ASTN2: variants seen among roughly 807,000 people sequenced by gnomAD.
ASTN2 encodes astrotactin 2.
In ASTN2, 54 loss-of-function variants were observed where a neutral mutation model predicts 139.8. The ratio of observed to expected loss-of-function variants is 0.39; its 90% confidence interval spans 0.31 to 0.48. The LOEUF (loss-of-function observed/expected upper bound fraction) is 0.48. Ranked by LOEUF, ASTN2 falls within the 20% of genes least tolerant of loss-of-function variation. The pLI, the probability that ASTN2 is intolerant of heterozygous loss-of-function variation, is 0.95. For synonymous variants in ASTN2, 756 were observed against 719.5 expected, an observed-to-expected ratio of 1.05 and a Z score of -0.81; for missense variants, 1,565 against 1,725.1, an observed-to-expected ratio of 0.91 and a Z score of 1.64.
chr9:116,463,444 G>A (rs1174744233), intron 20 of ASTN2, among the ~76,000 whole-genome samples: 3 of 152,126 alleles, frequency 2.0e-5, no homozygotes, highest in Non-Finnish European at 2.9e-5. Context: ...CAACTTCTCA[G>A]CCTTCATTAT....
chr9:117,390,407 G>T (rs1003224078), intron 1 of ASTN2, among the ~76,000 whole-genome samples: 1 of 152,064 alleles, frequency 6.6e-6, no homozygotes, highest in Non-Finnish European at 1.5e-5. Context: ...ACATTCTATG[G>T]GTTTGACAAA....
chr9:117,218,795 AG>A (rs1340030455), intron 2 of ASTN2, among the ~76,000 whole-genome samples: 2 of 152,204 alleles, frequency 1.3e-5, no homozygotes, highest in East Asian at 3.9e-4. Context: ...CAGAAACACA[AG>A]GTTGAAATCT....
intron 3 of ASTN2, among the ~76,000 whole-genome samples, chr9:117,149,108 C>T (rs2132875360): frequency 6.6e-6 from 1 of 152,258 alleles, no homozygotes; most frequent in African/African-American, 2.4e-5. Flanking sequence ...CAACCACTGC[C>T]TCCCAGGTTC....
intron 10 of ASTN2, among the ~76,000 whole-genome samples, chr9:116,972,041 CAG>C (rs1263194272): frequency 1.5e-4 from 23 of 152,150 alleles, no homozygotes; most frequent in Non-Finnish European, 2.6e-4. Context: ...TGAATTTTCA[CAG>C]AGTTAAAACA....
At chr9:116,917,690 A>G (rs1043615113) in intron 10 of ASTN2, among the ~76,000 whole-genome samples, 1 of 152,236 alleles carries the variant, frequency 6.6e-6, no homozygotes, top group Non-Finnish European at 1.5e-5. Flanking sequence ...GCAGAGGAGA[A>G]AAAGTTGGAA....
chr9:117,280,041 C>T (rs920038710), intron 2 of ASTN2, among the ~76,000 whole-genome samples: 1 of 152,100 alleles, frequency 6.6e-6, no homozygotes, highest in Non-Finnish European at 1.5e-5. Context: ...CCCTAGTTTC[C>T]TCCAATTTGT....
chr9:117,160,278 G>A (rs1830518439), intron 3 of ASTN2, among the ~76,000 whole-genome samples: 1 of 151,998 alleles, frequency 6.6e-6, no homozygotes, highest in Non-Finnish European at 1.5e-5. Context: ...TTCCTAGGGG[G>A]CAGGGGTCCA....
intron 2 of ASTN2, among the ~76,000 whole-genome samples, chr9:117,216,156 C>A (rs548885873): frequency 6.6e-6 from 1 of 152,164 alleles, no homozygotes; most frequent in African/African-American, 2.4e-5. Flanking sequence ...ATCTTAGGGG[C>A]AAAGGTGGCT....
chr9:117,153,444 G>A (rs947560495), intron 3 of ASTN2, among the ~76,000 whole-genome samples: 2 of 152,064 alleles, frequency 1.3e-5, no homozygotes, highest in South Asian at 4.1e-4. Flanking sequence ...TTCTATAGTT[G>A]TTTGTTACGT....
At chr9:117,120,018 G>GTGTGTGTGTGTGTGTGTGTATATA (rs1306397698) in intron 4 of ASTN2, among the ~76,000 whole-genome samples, 4 of 45,998 alleles carry the variant, frequency 8.7e-5, no homozygotes, top group African/African-American at 3.3e-4. Flanking sequence ...GTGTGTGTGT[G>GTGTGTGTGTGTGTGTGTGTATATA]TATATATATA....
At chr9:116,731,491 C>T (rs1305019434) in intron 14 of ASTN2, among the ~76,000 whole-genome samples, 7 of 152,086 alleles carry the variant, frequency 4.6e-5, no homozygotes, top group African/African-American at 1.7e-4. Flanking sequence ...GGCAAGATCT[C>T]GGCTCACTGC....
intron 16 of ASTN2, among the ~76,000 whole-genome samples, chr9:116,708,413 C>CCAT (rs1828051183): frequency 6.6e-6 from 1 of 152,194 alleles, no homozygotes; most frequent in Non-Finnish European, 1.5e-5. Flanking sequence ...TTTGCCTTCA[C>CCAT]CATCAAAGGG....
At chr9:117,066,797 A>C (rs1287036513) in intron 5 of ASTN2, among the ~76,000 whole-genome samples, 1 of 151,062 alleles carries the variant, frequency 6.6e-6, no homozygotes, top group African/African-American at 2.4e-5. Context: ...GGCTGCATAA[A>C]TGTCTTCTTT....
chr9:116,686,201 G>C (rs1318675205), intron 16 of ASTN2, among the ~76,000 whole-genome samples: 1 of 152,056 alleles, frequency 6.6e-6, no homozygotes, highest in Non-Finnish European at 1.5e-5. Flanking sequence ...GATAGAATTG[G>C]GTACAAATTT....
intron 20 of ASTN2, among the ~76,000 whole-genome samples, chr9:116,474,248 G>A (rs1358967139): frequency 2.0e-5 from 3 of 152,170 alleles, no homozygotes; most frequent in Admixed American, 2.0e-4. Flanking sequence ...GAGGTGAAGA[G>A]TCCTGGTTCA....
chr9:117,012,010 G>C (rs950244574), intron 6 of ASTN2, among the ~76,000 whole-genome samples: 1 of 152,136 alleles, frequency 6.6e-6, no homozygotes, highest in African/African-American at 2.4e-5. Context: ...ATTTCCTACA[G>C]AGAAGAGGTC....
intron 1 of ASTN2, among the ~76,000 whole-genome samples, chr9:117,301,271 C>T (rs79079636): frequency 6.6e-6 from 1 of 152,068 alleles, no homozygotes; most frequent in Non-Finnish European, 1.5e-5. Context: ...TTTAAAAACA[C>T]AGCCCAATGT....
intron 13 of ASTN2, among the ~76,000 whole-genome samples, chr9:116,789,429 A>G (rs976597389): frequency 1.3e-5 from 2 of 152,222 alleles, no homozygotes; most frequent in Non-Finnish European, 2.9e-5. Flanking sequence ...GGCAACATAA[A>G]AAAATAAATG....
At chr9:117,201,619 G>A (rs1354690214) in intron 3 of ASTN2, among the ~76,000 whole-genome samples, 5 of 152,090 alleles carry the variant, frequency 3.3e-5, no homozygotes, top group Non-Finnish European at 5.9e-5. Context: ...TCAGGAGCAG[G>A]TTGTTCAATT....
Sources: gnomAD v4.1 joint callset for allele counts (sites outside exome capture counted in the v4.1 genomes callset) on GRCh38, gnomAD v4.1.1 for gene constraint, MANE v1.5 for transcripts, NCBI Gene and HGNC (gene_info 2026-07-23, HGNC 2026-07-21) for gene names.